SAMD12: variants seen among roughly 807,000 people sequenced by gnomAD.
SAMD12 encodes the protein sterile alpha motif domain containing 12.
A neutral mutation model predicts 15.0 loss-of-function variants in SAMD12; 9 were observed. The observed-to-expected ratio is 0.60, with a 90% CI of 0.36 to 1.05. SAMD12 has a LOEUF of 1.05. SAMD12 is among the 50% of genes least tolerant of loss of function. The pLI is 0.01. For missense variants in SAMD12, 230 were observed against 234.2 expected (o/e 0.98, Z 0.12); for synonymous variants, 86 against 90.1 (o/e 0.96, Z 0.25).
intron 4 of SAMD12, among the ~76,000 whole-genome samples, chr8:118,322,653 A>G (rs1036485078): frequency 2.6e-5 from 4 of 152,228 alleles, no homozygotes; most frequent in Non-Finnish European, 5.9e-5. Flanking sequence ...CTGTGGTATA[A>G]CAGTTCACAT....
intron 2 of SAMD12, among the ~76,000 whole-genome samples, chr8:118,519,234 A>G (rs867280509): frequency 9.2e-5 from 14 of 152,138 alleles, no homozygotes; most frequent in Non-Finnish European, 2.9e-5. Flanking sequence ...GCCTAAGTTA[A>G]ATTTCTGCCC....
intron 4 of SAMD12, among the ~76,000 whole-genome samples, chr8:118,337,558 A>T (rs746821124): frequency 1.3e-5 from 2 of 152,220 alleles, no homozygotes; most frequent in Non-Finnish European, 1.5e-5. Flanking sequence ...TAAACGATTC[A>T]TAAGTTTTAA....
At chr8:118,336,402 T>G (rs1045413629) in intron 4 of SAMD12, among the ~76,000 whole-genome samples, 3 of 152,246 alleles carry the variant, frequency 2.0e-5, no homozygotes, top group African/African-American at 7.2e-5. Context: ...ATTTTTATCA[T>G]GATAGAATTA....
intron 4 of SAMD12, among the ~76,000 whole-genome samples, chr8:118,364,389 G>A (rs1029978244): frequency 4.6e-5 from 7 of 152,108 alleles, no homozygotes; most frequent in Non-Finnish European, 8.8e-5. Flanking sequence ...AGTGTTAGAT[G>A]GGCTCCATCC....
At chr8:118,508,570 C>T (rs912424779) in intron 2 of SAMD12, among the ~76,000 whole-genome samples, 1 of 152,252 alleles carries the variant, frequency 6.6e-6, no homozygotes, top group Non-Finnish European at 1.5e-5. Flanking sequence ...GATAAAGACA[C>T]CTTCGTGTCA....
chr8:118,363,482 T>C (rs375649287), intron 4 of SAMD12, among the ~76,000 whole-genome samples: 457 of 152,218 alleles, frequency 3.0e-3, no homozygotes, highest in African/African-American at 0.011. Flanking sequence ...GACACTGGGT[T>C]TTTTTTTCCT....
intron 4 of SAMD12, among the ~76,000 whole-genome samples, chr8:118,339,566 G>A (rs1234418299): frequency 6.6e-6 from 1 of 152,224 alleles, no homozygotes; most frequent in African/African-American, 2.4e-5. Context: ...GCAGCTCTGA[G>A]GAGTGGTGCT....
intron 2 of SAMD12, among the ~76,000 whole-genome samples, chr8:118,461,340 T>G (rs1299090068): frequency 6.6e-6 from 1 of 152,244 alleles, no homozygotes; most frequent in Non-Finnish European, 1.5e-5. Context: ...AAGGTTCAGA[T>G]AGCCAAGACA....
At chr8:118,162,131 GC>G in the SAMD12 span, among the ~76,000 whole-genome samples, 12 of 147,828 alleles carry the variant, frequency 8.1e-5, no homozygotes, top group African/African-American at 3.0e-4. Context: ...CTGCACTCCA[GC>G]CTGGGCAGCA....
intron 4 of SAMD12, among the ~76,000 whole-genome samples, chr8:118,266,383 T>C (rs1813200324): frequency 6.6e-6 from 1 of 152,148 alleles, no homozygotes. Context: ...CCTTGCACAC[T>C]GTTGGTGGGG....
the SAMD12 span, among the ~76,000 whole-genome samples, chr8:118,174,598 C>T: frequency 1.3e-5 from 2 of 151,930 alleles, no homozygotes; most frequent in African/African-American, 2.4e-5. Flanking sequence ...TGGAGGAAGA[C>T]GATCCAAATA....
chr8:118,592,256 G>A (rs1197573400), intron 1 of SAMD12, among the ~76,000 whole-genome samples: 1 of 152,130 alleles, frequency 6.6e-6, no homozygotes, highest in Non-Finnish European at 1.5e-5. Context: ...GGGAGGCAGA[G>A]GTTGTGGTGA....
At chr8:118,444,304 G>C (rs1438453099) in intron 2 of SAMD12, among the ~76,000 whole-genome samples, 4 of 151,698 alleles carry the variant, frequency 2.6e-5, no homozygotes, top group Non-Finnish European at 5.9e-5. Flanking sequence ...GACAATTTTG[G>C]TTTATTTTGC....
chr8:118,589,828 A>C (rs1280115584), intron 1 of SAMD12, among the ~76,000 whole-genome samples: 1 of 152,220 alleles, frequency 6.6e-6, no homozygotes, highest in African/African-American at 2.4e-5. Flanking sequence ...TTCCTTTACT[A>C]CATATCATCT....
chr8:118,333,649 T>C (rs186411692), intron 4 of SAMD12, among the ~76,000 whole-genome samples: 9 of 152,080 alleles, frequency 5.9e-5, no homozygotes, highest in African/African-American at 9.6e-5. Flanking sequence ...ACTTGACTTA[T>C]AGTAAAGTGT....
chr8:118,266,373 C>G (rs920156094), intron 4 of SAMD12, among the ~76,000 whole-genome samples: 12 of 152,006 alleles, frequency 7.9e-5, no homozygotes, highest in Admixed American at 6.6e-5. Flanking sequence ...AAAGGAAAAC[C>G]CTTGCACACT....
intron 4 of SAMD12, among the ~76,000 whole-genome samples, chr8:118,261,297 A>G (rs1027223938): frequency 2.6e-5 from 4 of 152,094 alleles, no homozygotes; most frequent in African/African-American, 7.2e-5. Context: ...GCATCCAACA[A>G]TTCTTCTCCT....
At chr8:118,524,076 C>T (rs1243521335) in intron 2 of SAMD12, among the ~76,000 whole-genome samples, 1 of 152,100 alleles carries the variant, frequency 6.6e-6, no homozygotes, top group Non-Finnish European at 1.5e-5. Context: ...CCCAAATACC[C>T]CTCCAGCTCC....
chr8:118,463,378 G>A (rs1234302953), intron 2 of SAMD12, among the ~76,000 whole-genome samples: 2 of 152,130 alleles, frequency 1.3e-5, no homozygotes, highest in Non-Finnish European at 2.9e-5. Context: ...ATCAAGACAA[G>A]GATTCATCCA....
Sources: gnomAD v4.1 joint callset for allele counts (sites outside exome capture counted in the v4.1 genomes callset) on GRCh38, gnomAD v4.1.1 for gene constraint, MANE v1.5 for transcripts, NCBI Gene and HGNC (gene_info 2026-07-23, HGNC 2026-07-21) for gene names.